Variants in FHIT observed in about 807,000 individuals in gnomAD.
FHIT encodes bis(5'-adenosyl)-triphosphatase.
A neutral mutation model predicts 17.9 loss-of-function variants in FHIT; 19 were observed. The ratio of observed to expected loss-of-function variants is 1.06; its 90% CI spans 0.74 to 1.56. The LOEUF (loss-of-function observed/expected upper bound fraction) is 1.56, where lower values mean the gene tolerates loss of function less well. Among genes scored for constraint, FHIT ranks in the 40% most tolerant of loss-of-function variants. The pLI, the probability that FHIT is intolerant of heterozygous loss-of-function variation, is 0.00. For missense variants in FHIT, 248 were observed against 189.2 expected (o/e 1.31, Z -1.82); for synonymous variants, 81 against 69.7 (o/e 1.16, Z -0.81).
At chr3:60,586,662 TA>T (rs775581327) in intron 4 of FHIT, among the ~76,000 whole-genome samples, 3 of 151,782 alleles carry the variant, frequency 2.0e-5, no homozygotes, top group East Asian at 2.0e-4. Context: ...TATGCAGCCA[TA>T]AAAAAAGAAC....
At chr3:60,574,193 G>A (rs188183687) in intron 4 of FHIT, among the ~76,000 whole-genome samples, 2 of 152,148 alleles carry the variant, frequency 1.3e-5, no homozygotes, top group Admixed American at 1.3e-4. Context: ...AAAGAGCCAG[G>A]AGTTTGGAAG....
intron 5 of FHIT, among the ~76,000 whole-genome samples, chr3:60,032,498 G>C (rs985959912): frequency 2.0e-5 from 3 of 151,856 alleles, no homozygotes; most frequent in Non-Finnish European, 4.4e-5. Flanking sequence ...TGGGGGAAAA[G>C]GTATACAAGC....
intron 5 of FHIT, among the ~76,000 whole-genome samples, chr3:60,103,691 C>A (rs2107149804): frequency 6.6e-6 from 1 of 152,264 alleles, no homozygotes; most frequent in African/African-American, 2.4e-5. Flanking sequence ...TTATGGCTTG[C>A]TACGTGTAGA....
intron 8 of FHIT, among the ~76,000 whole-genome samples, chr3:59,821,290 T>C (rs1166828327): frequency 6.6e-6 from 1 of 152,146 alleles, no homozygotes. Context: ...CATGATAATA[T>C]TTGTGAAAGC....
chr3:60,955,615 T>TATATATATATATAC (rs1709102524), intron 3 of FHIT, among the ~76,000 whole-genome samples: 7 of 12,384 alleles, frequency 5.7e-4, no homozygotes, highest in African/African-American at 9.6e-4. Flanking sequence ...TATATATATA[T>TATATATATATATAC]ATATATATAT....
intron 3 of FHIT, among the ~76,000 whole-genome samples, chr3:60,869,034 A>T (rs1271523186): frequency 1.3e-5 from 2 of 152,112 alleles, no homozygotes; most frequent in Non-Finnish European, 2.9e-5. Context: ...AGCTTAACAA[A>T]ATCCCAAGGA....
chr3:61,150,002 T>G (rs1401787404), intron 2 of FHIT, among the ~76,000 whole-genome samples: 3 of 152,164 alleles, frequency 2.0e-5, no homozygotes, highest in African/African-American at 7.2e-5. Flanking sequence ...CTCCAGTTAA[T>G]TTACCAAGGT....
chr3:61,207,981 T>C (rs2039308944), intron 1 of FHIT, among the ~76,000 whole-genome samples: 2 of 152,330 alleles, frequency 1.3e-5, no homozygotes, highest in South Asian at 4.2e-4. Flanking sequence ...TATACACTGC[T>C]TTGAATGGGT....
chr3:60,652,689 C>A lies in FHIT; in HGVS notation c.-17-115710G>T, dbSNP rs571921362. On this transcript the variant is annotated intron_variant, in intron 4 of 9. Transcript: ENST00000492590. ...CTTGCAGTGAGCTGAGATTGTGCCA[C>A]TGCACTCCAGCCTGGGCAAAAGAGA... Among the ~76,000 whole-genome samples the A allele has an allele frequency of 1.4e-4, 20 of 138,442 alleles. No individual in the cohort carries two copies. In the South Asian group the frequency reaches 4.5e-3, roughly 31 times the overall value. 90.8% of individuals were successfully genotyped at this position (138,442 alleles called of 152,430 possible). A position where few individuals can be genotyped will look rare whatever the true frequency, so the allele number is the denominator to read the frequency against.
chr3:60,479,580 T>C (rs777896993), intron 5 of FHIT, among the ~76,000 whole-genome samples: 2 of 152,198 alleles, frequency 1.3e-5, no homozygotes, highest in Admixed American at 6.5e-5. Context: ...AAGTATTGCA[T>C]ATTAGGTACA....
chr3:60,032,774 G>C (rs1396146789), intron 5 of FHIT, among the ~76,000 whole-genome samples: 1 of 148,658 alleles, frequency 6.7e-6, no homozygotes, highest in Non-Finnish European at 1.5e-5. Context: ...TTTTGCGATT[G>C]TTTACACTAT....
At chr3:60,578,065 C>T (rs28583267) in intron 4 of FHIT, among the ~76,000 whole-genome samples, 11 of 152,028 alleles carry the variant, frequency 7.2e-5, no homozygotes, top group Non-Finnish European at 1.3e-4. Flanking sequence ...ACTTGTCTTC[C>T]GAAATCTGTT....
chr3:60,200,011 A>C (rs1702824966), intron 5 of FHIT, among the ~76,000 whole-genome samples: 1 of 152,150 alleles, frequency 6.6e-6, no homozygotes, highest in African/African-American at 2.4e-5. Flanking sequence ...TAACATTTTT[A>C]AGGCCTTTAC....
At chr3:61,214,725 T>C (rs1243591854) in intron 1 of FHIT, among the ~76,000 whole-genome samples, 1 of 152,216 alleles carries the variant, frequency 6.6e-6, no homozygotes, top group Non-Finnish European at 1.5e-5. Flanking sequence ...TTTAGACCAA[T>C]ATCCTTGATG....
chr3:60,328,286 A>C (rs1420598679), intron 5 of FHIT, among the ~76,000 whole-genome samples: 2 of 152,302 alleles, frequency 1.3e-5, no homozygotes, highest in East Asian at 3.9e-4. Flanking sequence ...GATCAAAACA[A>C]AATCATTGTA....
chr3:61,099,947 G>A (rs956421026), intron 2 of FHIT, among the ~76,000 whole-genome samples: 1 of 152,028 alleles, frequency 6.6e-6, no homozygotes, highest in Non-Finnish European at 1.5e-5. Flanking sequence ...AATGTATGAA[G>A]GTTCCCGAAT....
chr3:60,360,060 G>C (rs1332901834), intron 5 of FHIT, among the ~76,000 whole-genome samples: 1 of 141,714 alleles, frequency 7.1e-6, no homozygotes, highest in Non-Finnish European at 1.5e-5. Context: ...GAATACAAAT[G>C]TGCAGGTTTG....
At chr3:60,237,262 A>ATTTTTTTTTT (rs201958097) in intron 5 of FHIT, among the ~76,000 whole-genome samples, 8 of 124,828 alleles carry the variant, frequency 6.4e-5, no homozygotes, top group Non-Finnish European at 1.0e-4. Context: ...TTGTTTTTCC[A>ATTTTTTTTTT]TTTTTTTTTT....
chr3:60,781,268 T>C (rs1018245816), intron 4 of FHIT, among the ~76,000 whole-genome samples: 10 of 152,216 alleles, frequency 6.6e-5, no homozygotes, highest in African/African-American at 2.4e-4. Flanking sequence ...CATTAAACTA[T>C]TCTTTTACCA....
Sources: allele counts gnomAD v4.1 joint callset (sites outside exome capture counted in the v4.1 genomes callset), GRCh38; gene constraint gnomAD v4.1.1; transcripts MANE v1.5; gene names NCBI Gene and HGNC (gene_info 2026-07-23, HGNC 2026-07-21).